Variants in ZNF516 observed in about 807,000 individuals in gnomAD.
ZNF516 encodes the protein zinc finger protein 516.
Under a neutral mutation model 79.7 loss-of-function variants are expected in ZNF516, and 19 were observed. That is an observed-to-expected ratio of 0.24 (90% CI 0.17 to 0.35). The LOEUF (loss-of-function observed/expected upper bound fraction) is 0.35. ZNF516 is among the 10% of genes least tolerant of loss of function. The pLI is 1.00. For missense variants in ZNF516, 1,678 were observed against 1,679.5 expected (o/e 1.00, Z 0.02); for synonymous variants, 877 against 739.5 (o/e 1.19, Z -3.02).
At chr18:76,382,906 C>G (rs2074916563) in intron 3 of ZNF516, among the ~76,000 whole-genome samples, 1 of 152,134 alleles carries the variant, frequency 6.6e-6, no homozygotes, top group Non-Finnish European at 1.5e-5. Flanking sequence ...ATTAGCCAAG[C>G]GTGGTGGCAT....
chr18:76,486,131 C>T (rs981365795), intron 1 of ZNF516, among the ~76,000 whole-genome samples: 1 of 152,026 alleles, frequency 6.6e-6, no homozygotes, highest in Non-Finnish European at 1.5e-5. Flanking sequence ...AAAATTGTAT[C>T]GGTGGAAAAA....
At chr18:76,381,444 T>C (rs185441697) in intron 3 of ZNF516, among the ~76,000 whole-genome samples, 186 of 152,322 alleles carry the variant, frequency 1.2e-3, no homozygotes, top group Admixed American at 2.5e-3. Context: ...CCCCAAGTTC[T>C]TGGTTTTCAA....
intron 1 of ZNF516, among the ~76,000 whole-genome samples, chr18:76,472,188 C>A (rs570804095): frequency 2.6e-5 from 4 of 152,308 alleles, no homozygotes; most frequent in Admixed American, 6.5e-5. Context: ...TGCAGATTGG[C>A]TGAGGGACCC....
chr18:76,377,870 C>T (rs1366937922), intron 4 of ZNF516, among the ~76,000 whole-genome samples: 1 of 152,126 alleles, frequency 6.6e-6, no homozygotes, highest in African/African-American at 2.4e-5. Context: ...TGCACCCCAC[C>T]ATGCCTGGCT....
chr18:76,456,580 C>A (rs935606088), intron 2 of ZNF516, among the ~76,000 whole-genome samples: 1 of 152,180 alleles, frequency 6.6e-6, no homozygotes, highest in Non-Finnish European at 1.5e-5. Context: ...AGCCTGCCAT[C>A]CACAGCCCAG....
intron 1 of ZNF516, chr18:76,491,838 G>A (rs1915245278): frequency 6.6e-6 from 1 of 152,172 alleles, no homozygotes; most frequent in Non-Finnish European, 1.5e-5. Flanking sequence ...TTAATCCAAC[G>A]ACACCTCCCA....
intron 3 of ZNF516, among the ~76,000 whole-genome samples, chr18:76,433,400 T>A (rs2075687946): frequency 6.6e-6 from 1 of 152,142 alleles, no homozygotes; most frequent in South Asian, 2.1e-4. Flanking sequence ...GAGATGGCAA[T>A]TTGAGGATGC....
chr18:76,404,659 A>C (rs1177193708), intron 3 of ZNF516, among the ~76,000 whole-genome samples: 1 of 152,160 alleles, frequency 6.6e-6, no homozygotes, highest in Non-Finnish European at 1.5e-5. Context: ...GCATGTGTAC[A>C]TGGGTGAGCG....
rs187338725 is a variant in ZNF516 at position 76,381,776 on chromosome 18, G to A, written c.1811-1473C>T. ...AAGGGCTGATCAGCAGAACTGGTGC[G>A]GAGATGAGACAAAGGAAGAAAAAAC... On this transcript the variant is annotated intron_variant, in intron 3 of 6. Coordinates refer to ENST00000443185, the MANE Select transcript of ZNF516 (RefSeq NM_014643.4). Among the ~76,000 whole-genome samples the A allele has an allele frequency of 2.3e-4, 35 of 152,306 alleles. No homozygotes were observed. The East Asian group carries it at 6.6e-3, about 29-fold the overall frequency.
At position 76,459,749 on chromosome 18, in the gene ZNF516, TGGG is replaced by T. The variant is rs992508168; in HGVS notation, c.-158+3276_-158+3278del. On this transcript the variant is annotated intron_variant, in intron 2 of 6. Transcript: ENST00000443185. This position sits in a 1 kb window ranked among gnomAD's most constrained non-coding sequence, Gnocchi z 5.0. ...ACCAGGCACTGCTCCTGGAGCACAG[TGGG>T]TATCCCATCACAACGCGGGAGGATT... Among the ~76,000 whole-genome samples the T allele has an allele frequency of 2.0e-5, 3 of 151,964 alleles. No homozygotes were observed. Among genetic ancestry groups the T allele is most frequent in the African/African-American group, 7.3e-5 (3 of 41,356 alleles).
At chr18:76,496,392 T>A, upstream of ZNF516, 1 of 1,289,486 alleles carries the variant, frequency 7.8e-7, no homozygotes, top group South Asian at 1.2e-5. Flanking sequence ...ATCCTGGCGG[T>A]TACCTCAGCG....
At position 76,442,652 on chromosome 18, in the gene ZNF516, C is replaced by G. The variant is rs561459137; in HGVS notation, c.403G>C (p.Asp135His). ...GCCCCGTTCAGGACCCTGGCGCCGTCGGCCTGCGAGGCCCCGTTCAGCAGC... is the reference window on the plus strand; with the variant it reads ...GCCCCGTTCAGGACCCTGGCGCCGTGGGCCTGCGAGGCCCCGTTCAGCAGC... ...NRLLNGASQADGARVLNGASQ... is the reference protein window; with the variant it reads ...NRLLNGASQAHGARVLNGASQ... Residue 135 changes from aspartate (D) to histidine (H), a missense_variant, in exon 3 of 7, where the codon GAC becomes CAC. Transcript: ENST00000443185. The G allele has an allele frequency of 6.3e-7, 1 of 1,587,120 alleles. No homozygotes were observed. The highest frequency in any genetic ancestry group is 1.3e-5 in the African/African-American group (1 of 74,546).
chr18:76,400,438 G>A (rs1358355619), intron 3 of ZNF516, among the ~76,000 whole-genome samples: 1 of 152,188 alleles, frequency 6.6e-6, no homozygotes, highest in African/African-American at 2.4e-5. Context: ...CGCCCAGAAA[G>A]TTAAAACTTC....
chr18:76,418,939 C>T (rs776407789), intron 3 of ZNF516, among the ~76,000 whole-genome samples: 1 of 152,368 alleles, frequency 6.6e-6, no homozygotes, highest in South Asian at 2.1e-4. Context: ...TTCCTCCAGC[C>T]CAAACACCTC....
intron 3 of ZNF516, among the ~76,000 whole-genome samples, chr18:76,431,729 C>T (rs956593842): frequency 6.6e-6 from 1 of 152,176 alleles, no homozygotes; most frequent in Non-Finnish European, 1.5e-5. Context: ...GACACATGGG[C>T]TCCCCTTGAT....
At chr18:76,495,682 G>GC, upstream of ZNF516, 1 of 1,187,838 alleles carries the variant, frequency 8.4e-7, no homozygotes, top group Admixed American at 3.4e-5. Context: ...GCGCACACGC[G>GC]CATCCATACG....
chr18:76,412,171 G>C (rs2075379276), intron 3 of ZNF516, among the ~76,000 whole-genome samples: 2 of 152,204 alleles, frequency 1.3e-5, no homozygotes, highest in African/African-American at 2.4e-5. Flanking sequence ...CGGCACTAAT[G>C]ATTCACAGCT....
chr18:76,488,010 A>C (rs750533805), intron 1 of ZNF516: 124 of 985,422 alleles, frequency 1.3e-4, no homozygotes, highest in Non-Finnish European at 1.5e-4. Context: ...ACAGTCGAAC[A>C]ACCAAATAAT....
intron 2 of ZNF516, among the ~76,000 whole-genome samples, chr18:76,453,481 A>G (rs919802462): frequency 1.1e-4 from 17 of 152,234 alleles, no homozygotes; most frequent in African/African-American, 3.9e-4. Context: ...TTACACTACA[A>G]TAGTTAAAGC....
Sources: allele counts gnomAD v4.1 joint callset (sites outside exome capture counted in the v4.1 genomes callset), GRCh38; gene constraint gnomAD v4.1.1; non-coding constraint Gnocchi (gnomAD v3.1); transcripts MANE v1.5; gene names NCBI Gene and HGNC (gene_info 2026-07-23, HGNC 2026-07-21).